Variants in PSD3 observed in about 807,000 individuals in gnomAD.
The protein encoded by PSD3 is PH and SEC7 domain-containing protein 3.
Under a neutral mutation model 105.5 loss-of-function variants are expected in PSD3, and 49 were observed. That is an observed-to-expected ratio of 0.46 (90% confidence interval 0.37 to 0.59). PSD3 has a LOEUF of 0.59. Among genes scored for constraint, PSD3 ranks in the 20% least tolerant of loss-of-function variants. The pLI is 0.00. For missense variants in PSD3, 1,561 were observed against 1,263.8 expected (o/e 1.24, Z -3.57); for synonymous variants, 557 against 457.8 (o/e 1.22, Z -2.77).
At position 18,872,418 on chromosome 8, in the gene PSD3, G is replaced by A. The variant is rs1817441946; in HGVS notation, c.446C>T (p.Thr149Ile). ...KATEARIISG[T>I]LQATKVLDQD... is the part of the protein sequence containing the mutation. ...GTCCAGTACCTTTGTAGCCTGTAAT[G>A]TTCCGGAAATGATTCTGGCTTCTGT... The change falls in exon 3 of 16, where the codon ACA (threonine) becomes ATA (isoleucine). Residue 149 changes from threonine to isoleucine, a missense_variant. Physicochemically the swap from Thr to Ile is moderately conservative, Grantham distance 89. Coordinates refer to ENST00000327040, the MANE Select transcript of PSD3 (RefSeq NM_015310.4). 6.2e-7 allele frequency: 1 copy of A among 1,614,142 alleles called. No individual in the cohort carries two copies. Among genetic ancestry groups the A allele is most frequent in the Non-Finnish European group, 8.5e-7 (1 of 1,180,026 alleles).
intron 1 of PSD3, among the ~76,000 whole-genome samples, chr8:18,982,646 T>C (rs1194442077): frequency 6.6e-6 from 1 of 152,238 alleles, no homozygotes. Context: ...TAGATTTACA[T>C]AAGCGCTCTT....
intron 1 of PSD3, among the ~76,000 whole-genome samples, chr8:19,072,963 T>C (rs1379216074): frequency 1.3e-5 from 2 of 152,312 alleles, no homozygotes; most frequent in East Asian, 3.9e-4. Context: ...TGGGGAACCC[T>C]GAGACTATCC....
At chr8:18,653,599 C>A (rs1425821814) in intron 10 of PSD3, among the ~76,000 whole-genome samples, 1 of 152,200 alleles carries the variant, frequency 6.6e-6, no homozygotes, top group Non-Finnish European at 1.5e-5. Flanking sequence ...ATTTATCTGA[C>A]TCTGAAATCC....
At chr8:18,979,713 TAACA>T (rs1394497372) in intron 1 of PSD3, 14 of 185,818 alleles carry the variant, frequency 7.5e-5, no homozygotes, top group African/African-American at 3.3e-4. Context: ...AGTTTTTCAC[TAACA>T]CCACAAGAGT....
chr8:19,068,638 C>T (rs952553144), intron 1 of PSD3, among the ~76,000 whole-genome samples: 4 of 152,066 alleles, frequency 2.6e-5, no homozygotes, highest in African/African-American at 4.8e-5. Context: ...AGAACTGACA[C>T]GTCCTTGCGA....
At chr8:18,622,040 G>A (rs904597303) in intron 11 of PSD3, among the ~76,000 whole-genome samples, 1 of 152,076 alleles carries the variant, frequency 6.6e-6, no homozygotes, top group Non-Finnish European at 1.5e-5. Context: ...CCTCTAAAGT[G>A]AGTGAACCTC....
chr8:18,687,196 G>C (rs1478614832), intron 9 of PSD3, among the ~76,000 whole-genome samples: 1 of 152,258 alleles, frequency 6.6e-6, no homozygotes, highest in East Asian at 1.9e-4. Context: ...GGGTGCAGTG[G>C]CTCACTCCTG....
chr8:18,638,450 A>C (rs1360751365), intron 10 of PSD3, among the ~76,000 whole-genome samples: 1 of 152,126 alleles, frequency 6.6e-6, no homozygotes, highest in Non-Finnish European at 1.5e-5. Flanking sequence ...TTTTAGATTA[A>C]AAAACCAACA....
chr8:18,969,818 C>T (rs1824518953), intron 1 of PSD3, among the ~76,000 whole-genome samples: 1 of 151,992 alleles, frequency 6.6e-6, no homozygotes, highest in Non-Finnish European at 1.5e-5. Context: ...ATAATAGTTC[C>T]ATCATTATGG....
rs776903193 is a variant in PSD3 at position 18,889,934 on chromosome 8, G to A, written c.131-17201C>T. Reference sequence around the variant, plus strand: ...TTTAGTTTGGAAATGACAAACTATAGGTAATAAATTTTTATTTGATATAAT... The same window carrying A: ...TTTAGTTTGGAAATGACAAACTATAAGTAATAAATTTTTATTTGATATAAT... On this transcript the variant is annotated intron_variant, in intron 2 of 15. Transcript: ENST00000327040. Among the ~76,000 whole-genome samples the A allele has an allele frequency of 5.2e-4, 79 of 151,960 alleles. 1 individual carries two copies. The highest frequency in any genetic ancestry group is 8.8e-4 in the Non-Finnish European group (60 of 68,002).
chr8:18,854,523 G>A (rs545356633), intron 4 of PSD3: 1 of 152,304 alleles, frequency 6.6e-6, no homozygotes, highest in East Asian at 1.9e-4. Context: ...CCGTTTAAGG[G>A]AAAGGAGACA....
chr8:19,074,771 C>T (rs986532650), intron 1 of PSD3, among the ~76,000 whole-genome samples: 1 of 150,884 alleles, frequency 6.6e-6, no homozygotes, highest in African/African-American at 2.4e-5. Flanking sequence ...CAAGCGCCCA[C>T]CACCACACCG....
At chr8:18,906,178 T>C (rs994061692) in intron 2 of PSD3, among the ~76,000 whole-genome samples, 5 of 152,158 alleles carry the variant, frequency 3.3e-5, no homozygotes, top group Admixed American at 2.0e-4. Flanking sequence ...GACCCTCTCC[T>C]GACAAAAAAT....
chr8:19,060,508 C>T (rs1045787880), intron 1 of PSD3, among the ~76,000 whole-genome samples: 3 of 152,146 alleles, frequency 2.0e-5, no homozygotes, highest in Admixed American at 6.5e-5. Context: ...ATGGCACACA[C>T]CTGTAGTCCC....
Position 18,594,129 on chromosome 8 carries a change from ATATTATATATATATTATATAATATATAT to A in PSD3, c.2481+6207_2481+6234del, listed in dbSNP as rs1563358086. Among the ~76,000 whole-genome samples the A allele has an allele frequency of 2.7e-4, 8 of 30,122 alleles. 2 individuals carry two copies. Among genetic ancestry groups the A allele is most frequent in the African/African-American group, 8.0e-4 (8 of 10,012 alleles). 19.8% of individuals were successfully genotyped at this position (30,122 alleles called of 152,430 possible). ...CCTAGAACTTAAAGTATAATAATAT[ATATTATATATATATTATATAATATATAT>A]TATTATATACATATTATATAATATA... On this transcript the variant is annotated intron_variant, in intron 12 of 15. Coordinates refer to ENST00000327040, the MANE Select transcript of PSD3 (RefSeq NM_015310.4).
At chr8:19,047,209 C>A (rs914197638) in intron 1 of PSD3, among the ~76,000 whole-genome samples, 2 of 152,138 alleles carry the variant, frequency 1.3e-5, no homozygotes, top group East Asian at 3.9e-4. Flanking sequence ...GATGATAAAA[C>A]GCACTCCTGA....
intron 1 of PSD3, among the ~76,000 whole-genome samples, chr8:18,994,048 G>A (rs552481605): frequency 2.0e-5 from 3 of 152,014 alleles, no homozygotes; most frequent in South Asian, 2.1e-4. Flanking sequence ...CTAGAGTTCC[G>A]TATCCTAGAT....
chr8:18,876,652 G>A (rs1408322802), intron 2 of PSD3, among the ~76,000 whole-genome samples: 4 of 151,930 alleles, frequency 2.6e-5, no homozygotes, highest in Non-Finnish European at 5.9e-5. Flanking sequence ...CGCCTGCCTC[G>A]GCCTCCTAAA....
chr8:19,081,640 A>C (rs1829649031), intron 1 of PSD3, among the ~76,000 whole-genome samples: 1 of 152,244 alleles, frequency 6.6e-6, no homozygotes. Context: ...CTTTTACTAA[A>C]GCCTGGTCAT....
Sources: gnomAD v4.1 joint callset for allele counts (sites outside exome capture counted in the v4.1 genomes callset) on GRCh38, gnomAD v4.1.1 for gene constraint, MANE v1.5 for transcripts, NCBI Gene and HGNC (gene_info 2026-07-23, HGNC 2026-07-21) for gene names.